ADAMTS16: variants seen among roughly 807,000 people sequenced by gnomAD.
ADAMTS16 encodes the protein ADAM metallopeptidase with thrombospondin type 1 motif 16.
A neutral mutation model predicts 145.8 loss-of-function variants in ADAMTS16; 94 were observed. The ratio of observed to expected loss-of-function variants is 0.64; its 90% CI spans 0.55 to 0.77. The LOEUF (loss-of-function observed/expected upper bound fraction) is 0.77, where lower values mean the gene tolerates loss of function less well. ADAMTS16 is among the 30% of genes least tolerant of loss of function. The pLI, the probability that ADAMTS16 is intolerant of heterozygous loss-of-function variation, is 0.00. For synonymous variants in ADAMTS16, 659 were observed against 604.3 expected (o/e 1.09, Z -1.33); for missense variants, 1,585 against 1,591.5 (o/e 1.00, Z 0.07).
chr5:5,215,522 T>C (rs1736393894), intron 10 of ADAMTS16, among the ~76,000 whole-genome samples: 1 of 151,974 alleles, frequency 6.6e-6, no homozygotes, highest in Non-Finnish European at 1.5e-5. Flanking sequence ...AAGTTCATTG[T>C]ATCATTCTTA....
Position 5,318,204 on chromosome 5 carries a change from C to T in ADAMTS16, c.3482C>T (p.Ser1161Leu). The change falls in exon 22 of 23, where the codon TCA (serine) becomes TTA (leucine). Residue 1161 changes from serine (S) to leucine (L), a missense_variant. Coordinates refer to ENST00000274181, the MANE Select transcript of ADAMTS16 (RefSeq NM_139056.4). ...VQCLAGGRPASGCLLHQKPSA... is the reference protein window; with the variant it reads ...VQCLAGGRPALGCLLHQKPSA... Reference sequence around the variant, plus strand: ...TGCCTGGCTGGGGGCCGGCCGGCCTCAGGCTGCCTCCTGCACCAGAAGCCT... The same window carrying T: ...TGCCTGGCTGGGGGCCGGCCGGCCTTAGGCTGCCTCCTGCACCAGAAGCCT... The T allele has an allele frequency of 1.3e-6, 2 of 1,568,896 alleles. No individual in the cohort carries two copies.
chr5:5,303,808 C>T (rs776768331), intron 20 of ADAMTS16, 42 bp downstream of exon 20: 3 of 1,592,954 alleles, frequency 1.9e-6, no homozygotes, highest in East Asian at 2.3e-5. Context: ...GACTAGCTCT[C>T]CCCTCGGGAC....
chr5:5,231,836 C>T (rs894106575), intron 11 of ADAMTS16, among the ~76,000 whole-genome samples: 4 of 152,162 alleles, frequency 2.6e-5, no homozygotes, highest in Non-Finnish European at 4.4e-5. Context: ...CTGGAAGCTG[C>T]GTGACCTCTA....
Position 5,320,073 on chromosome 5 carries a change from G to C in ADAMTS16, c.*935G>C. 1 of 318,300 alleles carries C rather than the reference G, an allele frequency of 3.1e-6. No homozygotes were observed. Among genetic ancestry groups the C allele is most frequent in the South Asian group, 2.1e-5 (1 of 47,902 alleles). 19.7% of individuals were successfully genotyped at this position (318,300 alleles called of 1,614,324 possible). A position where few individuals can be genotyped will look rare whatever the true frequency, so the allele number is the denominator to read the frequency against. On this transcript the variant is annotated 3_prime_UTR_variant, in exon 23 of 23. Transcript: ENST00000274181. The surrounding 1 kb of genome is among the most constrained non-coding windows in gnomAD (Gnocchi z 5.1). ...GTCCTGTGTTTTGTTTTTGTGTGTTGTGAGATTTTAATCTTTTTTTTTTCG... is the reference window on the plus strand; with the variant it reads ...GTCCTGTGTTTTGTTTTTGTGTGTTCTGAGATTTTAATCTTTTTTTTTTCG...
chr5:5,195,011 A>G (rs1735763981), intron 8 of ADAMTS16, among the ~76,000 whole-genome samples: 1 of 152,228 alleles, frequency 6.6e-6, no homozygotes, highest in South Asian at 2.1e-4. Context: ...TAAAGATTTC[A>G]GTTAGTGTCC....
At position 5,317,624 on chromosome 5, in the gene ADAMTS16, C is replaced by T. The variant is rs1734107727; in HGVS notation, c.3412-510C>T. On this transcript the variant is annotated intron_variant, in intron 21 of 22. Transcript: ENST00000274181. The surrounding 1 kb of genome is among the most constrained non-coding windows in gnomAD (Gnocchi z 4.5). The stretch of plus-strand genomic sequence containing the variant: ...TGTTGCCCAGGCTGATCTCGAACTC[C>T]TGACCTCAGGTGATCCACCCGCCTC... 6.6e-6 allele frequency among the ~76,000 whole-genome samples: 1 copy of T among 152,136 alleles called. No individual in the cohort carries two copies. Among genetic ancestry groups the T allele is most frequent in the South Asian group, 2.1e-4 (1 of 4,834 alleles).
At chr5:5,253,861 A>G (rs763976216) in intron 17 of ADAMTS16, among the ~76,000 whole-genome samples, 2 of 152,130 alleles carry the variant, frequency 1.3e-5, no homozygotes, top group Non-Finnish European at 2.9e-5. Flanking sequence ...GTTTATTCCC[A>G]TGAATGCGGA....
At chr5:5,193,144 T>C (rs562230051) in intron 8 of ADAMTS16, among the ~76,000 whole-genome samples, 245 of 140,436 alleles carry the variant, frequency 1.7e-3, no homozygotes, top group Non-Finnish European at 3.2e-3. Flanking sequence ...AAGCAGTGTG[T>C]GTGTGTGTGT....
chr5:5,240,410 G>A (rs760688704), intron 16 of ADAMTS16, among the ~76,000 whole-genome samples: 1 of 152,202 alleles, frequency 6.6e-6, no homozygotes, highest in East Asian at 1.9e-4. Flanking sequence ...TGTCCAGTGC[G>A]GGGGTCACCC....
At chr5:5,233,352 A>G (rs1736997154) in intron 12 of ADAMTS16, among the ~76,000 whole-genome samples, 1 of 152,152 alleles carries the variant, frequency 6.6e-6, no homozygotes, top group Non-Finnish European at 1.5e-5. Flanking sequence ...TTTAACTTTT[A>G]TTTCAAGTTC....
chr5:5,315,392 T>A (rs1734012011), intron 21 of ADAMTS16, among the ~76,000 whole-genome samples: 1 of 151,550 alleles, frequency 6.6e-6, no homozygotes, highest in Non-Finnish European at 1.5e-5. Flanking sequence ...AATAAGTGAA[T>A]CAGTGACAAA....
rs754982911 is a variant in ADAMTS16, at chr5:5,239,255, C to A, written c.2259C>A (p.Thr753=). Residue 753 remains threonine, a synonymous_variant, in exon 15 of 23, where the codon ACC becomes ACA. Transcript: ENST00000274181. ...GCACGATTCACAGGGGTCTCTACAC[C>A]AAGCACCACCACACCAACCGTGAGT... is the stretch of plus-strand genomic sequence containing the variant. The part of the protein sequence containing the change: ...SACTIHRGLY[T]KHHHTNQYYH... The A allele has an allele frequency of 9.5e-6, 15 of 1,584,190 alleles. No homozygotes were observed. The highest frequency in any genetic ancestry group is 1.2e-5 in the Non-Finnish European group (14 of 1,167,988).
In ADAMTS16 at chr5:5,242,109, G is replaced by C. The variant is rs1737308673; in HGVS notation, c.2580G>C (p.Leu860Phe). The change falls in exon 17 of 23, where the codon TTG (leucine) becomes TTC (phenylalanine). Residue 860 changes from leucine (L) to phenylalanine (F), a missense_variant. Physicochemically the swap from Leu to Phe is conservative, Grantham distance 22. Around this residue, in one of 3 missense-constraint regions of ADAMTS16, gnomAD observed 834 missense variants for 811.7 expected, o/e 1.03. Transcript: ENST00000274181. ...GVAWEYSMPR[L>F]GTEKQPPAQP... ...CCTGGGAATACTCCATGCCTCGCTTGGGGACCGAGAAGCAGCCCCCTGCCC... is the reference window on the plus strand; with the variant it reads ...CCTGGGAATACTCCATGCCTCGCTTCGGGACCGAGAAGCAGCCCCCTGCCC... 4 of 1,614,062 alleles carry C rather than the reference G, an allele frequency of 2.5e-6. No homozygotes were observed. Among genetic ancestry groups the C allele is most frequent in the Non-Finnish European group, 3.4e-6 (4 of 1,180,038 alleles).
intron 15 of ADAMTS16, among the ~76,000 whole-genome samples, 189 bp downstream of exon 15, chr5:5,239,463 A>G (rs542592379): frequency 6.6e-6 from 1 of 152,144 alleles, no homozygotes; most frequent in African/African-American, 2.4e-5. Context: ...ATTTGCAATA[A>G]AATTGTTCTT....
rs373623862 is a variant in ADAMTS16 at position 5,187,682 on chromosome 5, A to G, written c.964-43A>G. 159 of 1,400,546 alleles carry G rather than the reference A, an allele frequency of 1.1e-4. No individual in the cohort carries two copies. In the African/African-American group the frequency reaches 2.2e-3, roughly 19 times the overall value. 86.8% of individuals were successfully genotyped at this position (1,400,546 alleles called of 1,614,324 possible). A position where few individuals can be genotyped will look rare whatever the true frequency, so the allele number is the denominator to read the frequency against. On this transcript the variant is annotated intron_variant, in intron 5 of 22. Coordinates refer to ENST00000274181, the MANE Select transcript of ADAMTS16 (RefSeq NM_139056.4). ...AGGCCCGCTAGTAAGTAGGGGGGAA[A>G]ATGCCATTTATGGGGCTGACATGGA... is the stretch of plus-strand genomic sequence containing the variant.
chr5:5,282,387 T>C (rs1321691843), intron 18 of ADAMTS16, among the ~76,000 whole-genome samples: 1 of 152,242 alleles, frequency 6.6e-6, no homozygotes, highest in African/African-American at 2.4e-5. Context: ...AGGAATGAAG[T>C]GTAAGGTTCC....
At chr5:5,208,313 T>C (rs1418100573) in intron 9 of ADAMTS16, among the ~76,000 whole-genome samples, 4 of 152,210 alleles carry the variant, frequency 2.6e-5, no homozygotes, top group African/African-American at 9.7e-5. Flanking sequence ...TTCTAGGTTT[T>C]TGTTTTTTTG....
At chr5:5,239,100 C>A (rs764454504) in intron 14 of ADAMTS16, 51 bp from the exon 15 acceptor site, 1 of 1,423,288 alleles carries the variant, frequency 7.0e-7, no homozygotes, top group South Asian at 1.8e-5. Flanking sequence ...GACAGTATTG[C>A]TGTGTTGTCC....
intron 18 of ADAMTS16, among the ~76,000 whole-genome samples, chr5:5,270,796 T>C (rs1738438522): frequency 6.6e-6 from 1 of 152,226 alleles, no homozygotes; most frequent in South Asian, 2.1e-4. Flanking sequence ...GAAACCCATG[T>C]TCCGTTTCTC....
Sources: allele counts gnomAD v4.1 joint callset (sites outside exome capture counted in the v4.1 genomes callset), GRCh38; gene constraint gnomAD v4.1.1; regional missense constraint gnomAD v4.1.1; non-coding constraint Gnocchi (gnomAD v3.1); transcripts MANE v1.5; gene names NCBI Gene and HGNC (gene_info 2026-07-23, HGNC 2026-07-21).